IQCM: variants seen among roughly 807,000 people sequenced by gnomAD.
The protein encoded by IQCM is IQ domain-containing protein M.
A neutral mutation model predicts 57.6 loss-of-function variants in IQCM; 45 were observed. That is an observed-to-expected ratio of 0.78 (90% CI 0.62 to 1.00). The LOEUF is 1.00. Ranked by LOEUF, IQCM falls within the 50% of genes least tolerant of loss-of-function variation. IQCM has a pLI of 0.00. For synonymous variants in IQCM, 148 were observed against 158.9 expected (o/e 0.93, Z 0.51); for missense variants, 468 against 511.6 (o/e 0.91, Z 0.82).
At chr4:149,517,336 T>C (rs1165423842) in intron 12 of IQCM, among the ~76,000 whole-genome samples, 2 of 152,204 alleles carry the variant, frequency 1.3e-5, no homozygotes, top group African/African-American at 2.4e-5. Flanking sequence ...CTTCATTGTA[T>C]TTCCTTTACC....
intron 2 of IQCM, among the ~76,000 whole-genome samples, chr4:149,788,529 T>G (rs988346765): frequency 2.0e-5 from 3 of 152,088 alleles, no homozygotes; most frequent in African/African-American, 7.2e-5. Flanking sequence ...AAATGGAACT[T>G]TTATACACTG....
rs1203053414 is a variant in IQCM, at chr4:149,547,595, T to G, written c.1228+860A>C. Among the ~76,000 whole-genome samples, 5 of 152,184 alleles carry G rather than the reference T, an allele frequency of 3.3e-5. No homozygotes were observed. The South Asian group carries it at 8.3e-4, about 25-fold the overall frequency. On this transcript the variant is annotated intron_variant, in intron 12 of 13. Coordinates refer to ENST00000636793, the MANE Select transcript of IQCM (RefSeq NM_001363507.2). ...TAATGTACAGCATGGTGACTGTCGT[T>G]AATACTGTATTGATTACCTGAAATT...
At chr4:149,729,747 C>T (rs1766290715) in intron 5 of IQCM, among the ~76,000 whole-genome samples, 1 of 152,048 alleles carries the variant, frequency 6.6e-6, no homozygotes, top group Non-Finnish European at 1.5e-5. Flanking sequence ...GTTTCCTTTA[C>T]CCCTTGGATT....
intron 12 of IQCM, among the ~76,000 whole-genome samples, chr4:149,516,884 G>C (rs1745024400): frequency 6.6e-6 from 1 of 152,032 alleles, no homozygotes; most frequent in Non-Finnish European, 1.5e-5. Context: ...TAAGAAGGGA[G>C]TTACAGTGTT....
intron 12 of IQCM, among the ~76,000 whole-genome samples, chr4:149,502,149 T>TAC (rs1399778831): frequency 7.0e-6 from 1 of 142,722 alleles, no homozygotes; most frequent in African/African-American, 2.4e-5. Context: ...ATTATATATA[T>TAC]ATACACACAC....
intron 12 of IQCM, among the ~76,000 whole-genome samples, chr4:149,444,667 T>G (rs1736310970): frequency 6.6e-6 from 1 of 151,404 alleles, no homozygotes; most frequent in East Asian, 1.9e-4. Context: ...CATTAAAAAA[T>G]TATATGAAAA....
At chr4:149,400,949 C>T (rs1368137356) in intron 13 of IQCM, among the ~76,000 whole-genome samples, 1 of 151,790 alleles carries the variant, frequency 6.6e-6, no homozygotes, top group Non-Finnish European at 1.5e-5. Context: ...TTGCTGTATA[C>T]TTTGCTGTAG....
chr4:149,463,421 C>T (rs1468631305), intron 12 of IQCM, among the ~76,000 whole-genome samples: 1 of 152,288 alleles, frequency 6.6e-6, no homozygotes, highest in African/African-American at 2.4e-5. Flanking sequence ...TGAAACTCAT[C>T]TATTTTTAAA....
intron 12 of IQCM, among the ~76,000 whole-genome samples, chr4:149,503,247 T>C (rs1743450629): frequency 6.6e-6 from 1 of 151,986 alleles, no homozygotes. Flanking sequence ...TACAATAATA[T>C]GAATAACAAT....
chr4:149,461,243 A>G (rs1471830293), intron 12 of IQCM, among the ~76,000 whole-genome samples: 1 of 151,964 alleles, frequency 6.6e-6, no homozygotes, highest in Non-Finnish European at 1.5e-5. Context: ...CAAAAAAAAA[A>G]AAAAAAAAAA....
intron 10 of IQCM, among the ~76,000 whole-genome samples, chr4:149,556,500 A>G (rs1289950427): frequency 6.6e-6 from 1 of 152,196 alleles, no homozygotes; most frequent in Admixed American, 6.5e-5. Context: ...AAGATTCTAT[A>G]GACCTATAAG....
At chr4:149,678,202 C>T (rs1298328882) in intron 7 of IQCM, among the ~76,000 whole-genome samples, 1 of 151,686 alleles carries the variant, frequency 6.6e-6, no homozygotes, top group African/African-American at 2.4e-5. Context: ...ACAGATTTGA[C>T]TCAAATAAGA....
intron 12 of IQCM, among the ~76,000 whole-genome samples, chr4:149,460,896 C>T (rs1175403451): frequency 1.3e-5 from 2 of 152,100 alleles, no homozygotes; most frequent in Non-Finnish European, 2.9e-5. Context: ...CCTTGGCATA[C>T]TAGTGTTACA....
intron 12 of IQCM, among the ~76,000 whole-genome samples, chr4:149,484,247 C>T (rs1741224740): frequency 6.6e-6 from 1 of 151,830 alleles, no homozygotes; most frequent in African/African-American, 2.4e-5. Flanking sequence ...CTTGTTTTTT[C>T]ATCCATTCAG....
rs554789175 is a variant in IQCM at position 149,755,167 on chromosome 4, A to G, written c.-48-12428T>C. Among the ~76,000 whole-genome samples, 94 of 152,314 alleles carry G rather than the reference A, an allele frequency of 6.2e-4. 2 individuals carry two copies. Among genetic ancestry groups the G allele is most frequent in the South Asian group, 5.8e-3 (28 of 4,824 alleles). On this transcript the variant is annotated intron_variant, in intron 2 of 13. Transcript: ENST00000636793. Reference sequence around the variant, plus strand: ...ATTCTCTCTTACCTGAATTATCAGAATAGCCTCCTAAGTGGCCTAGTTCTA... The same window carrying G: ...ATTCTCTCTTACCTGAATTATCAGAGTAGCCTCCTAAGTGGCCTAGTTCTA...
At chr4:149,624,928 G>GCCAA (rs1756665845) in intron 7 of IQCM, among the ~76,000 whole-genome samples, 1 of 152,148 alleles carries the variant, frequency 6.6e-6, no homozygotes. Context: ...CCTCTTTTAT[G>GCCAA]CCAAGCTCGT....
At chr4:149,589,758 C>A (rs1201796244) in intron 8 of IQCM, among the ~76,000 whole-genome samples, 9 of 151,952 alleles carry the variant, frequency 5.9e-5, no homozygotes. Context: ...AAACAATAAT[C>A]CTCAAGAATA....
At chr4:149,694,901 A>G (rs1763227476) in intron 5 of IQCM, among the ~76,000 whole-genome samples, 1 of 152,210 alleles carries the variant, frequency 6.6e-6, no homozygotes, top group Non-Finnish European at 1.5e-5. Context: ...AATAATCATA[A>G]AATGGTTTTC....
At chr4:149,659,009 A>G (rs893557389) in intron 7 of IQCM, among the ~76,000 whole-genome samples, 1 of 151,926 alleles carries the variant, frequency 6.6e-6, no homozygotes, top group Non-Finnish European at 1.5e-5. Flanking sequence ...TTCTAGTATT[A>G]TGTTAAAAAG....
Sources: gnomAD v4.1 joint callset for allele counts (sites outside exome capture counted in the v4.1 genomes callset) on GRCh38, gnomAD v4.1.1 for gene constraint, MANE v1.5 for transcripts, NCBI Gene and HGNC (gene_info 2026-07-23, HGNC 2026-07-21) for gene names.